Variants in MTURN observed in about 807,000 individuals in gnomAD.
MTURN encodes the protein maturin, neural progenitor differentiation regulator homolog.
In MTURN, 7 loss-of-function variants were observed where a neutral mutation model predicts 14.9. The observed-to-expected ratio is 0.47, with a 90% CI of 0.27 to 0.88. The LOEUF (loss-of-function observed/expected upper bound fraction) is 0.88. Among genes scored for constraint, MTURN ranks in the 40% least tolerant of loss-of-function variants. The pLI is 0.14. For synonymous variants in MTURN, 69 were observed against 72.5 expected, an observed-to-expected ratio of 0.95 and a Z score of 0.25; for missense variants, 151 against 174.1, an observed-to-expected ratio of 0.87 and a Z score of 0.75.
intron 1 of MTURN, among the ~76,000 whole-genome samples, chr7:30,142,008 C>T (rs1032717061): frequency 2.6e-5 from 4 of 152,178 alleles, no homozygotes; most frequent in African/African-American, 9.7e-5. Flanking sequence ...ACCAGGAAGT[C>T]CAGCTGCATA....
chr7:30,158,982 C>G lies in MTURN; in HGVS notation c.*1434C>G, dbSNP rs1257378811. ...AACTTATGGGAGTCTTGTATATCTT[C>G]CAGGCATGTCGGTGTAAACCTGATT... On this transcript the variant is annotated 3_prime_UTR_variant, in exon 3 of 3. Coordinates refer to ENST00000324453, the MANE Select transcript of MTURN (RefSeq NM_152793.3). 1.3e-5 allele frequency: 2 copies of G among 152,142 alleles called. No individual in the cohort carries two copies. The highest frequency in any genetic ancestry group is 4.8e-5 in the African/African-American group (2 of 41,422). 9.4% of individuals were successfully genotyped at this position (152,142 alleles called of 1,614,324 possible).
intron 2 of MTURN, among the ~76,000 whole-genome samples, chr7:30,152,230 A>G (rs1174831539): frequency 1.3e-5 from 2 of 151,824 alleles, no homozygotes; most frequent in Non-Finnish European, 2.9e-5. Context: ...CTCAAAAGGT[A>G]AGAGAGTGCC....
At chr7:30,149,610 G>A (rs902841514) in intron 2 of MTURN, among the ~76,000 whole-genome samples, 1 of 152,168 alleles carries the variant, frequency 6.6e-6, no homozygotes, top group Non-Finnish European at 1.5e-5. Context: ...ATAGAGCACT[G>A]CTTCCCAATG....
intron 2 of MTURN, among the ~76,000 whole-genome samples, chr7:30,155,951 T>A (rs1156987036): frequency 6.6e-6 from 1 of 152,180 alleles, no homozygotes. Context: ...CTTGATGCAG[T>A]TAGTGTTTAG....
rs956125822 is a variant in MTURN, at chr7:30,159,796, T to G, written c.*2248T>G. 1.3e-5 allele frequency: 2 copies of G among 152,726 alleles called. No individual in the cohort carries two copies. Among genetic ancestry groups the G allele is most frequent in the Non-Finnish European group, 2.9e-5 (2 of 68,064 alleles). 9.5% of individuals were successfully genotyped at this position (152,726 alleles called of 1,614,324 possible). On this transcript the variant is annotated 3_prime_UTR_variant, in exon 3 of 3. Coordinates refer to ENST00000324453, the MANE Select transcript of MTURN (RefSeq NM_152793.3). ...AATGTGTGCACATCCCTTCTCGTGC[T>G]CACACACTTGCCCACACACTCACTT...
At chr7:30,146,034 C>T (rs905430541) in intron 1 of MTURN, 143 bp from the exon 2 acceptor site, 58 of 1,575,586 alleles carry the variant, frequency 3.7e-5, no homozygotes, top group African/African-American at 8.2e-5. Flanking sequence ...AAATCAAGAA[C>T]GCATGTATGA....
In MTURN at chr7:30,158,041, A is replaced by G. The variant is rs542911481; in HGVS notation, c.*493A>G. 1 of 152,730 alleles carries G rather than the reference A, an allele frequency of 6.5e-6. No homozygotes were observed. The highest frequency in any genetic ancestry group is 2.1e-4 in the South Asian group (1 of 4,838). The allele number at this position is 152,730 out of a possible 1,614,324, so 9.5% of individuals were successfully genotyped here. A position where few individuals can be genotyped will look rare whatever the true frequency, so the allele number is the denominator to read the frequency against. ...GCATGAATTTTAATATCTAGTCATT[A>G]AACTGCACAAGTGCAAATACAAGGG... On this transcript the variant is annotated 3_prime_UTR_variant, in exon 3 of 3. Transcript: ENST00000324453.
At chr7:30,141,743 G>C (rs1037072028) in intron 1 of MTURN, among the ~76,000 whole-genome samples, 3 of 152,138 alleles carry the variant, frequency 2.0e-5, no homozygotes, top group African/African-American at 4.8e-5. Flanking sequence ...AGGTGGTCTT[G>C]AACTCCTGGT....
At chr7:30,157,362 C>T (rs961319112) in intron 2 of MTURN, 76 bp from the exon 3 acceptor site, 24 of 1,258,978 alleles carry the variant, frequency 1.9e-5, no homozygotes, top group Middle Eastern at 1.9e-4. Context: ...AATGTGGATC[C>T]GATGCCTTTG....
intron 1 of MTURN, among the ~76,000 whole-genome samples, chr7:30,142,841 C>T (rs1161710992): frequency 6.6e-6 from 1 of 152,188 alleles, no homozygotes; most frequent in Non-Finnish European, 1.5e-5. Context: ...CTTTCCGTAC[C>T]CAGATTCATG....
At chr7:30,137,430 T>C in intron 1 of MTURN, 1 of 346,454 alleles carries the variant, frequency 2.9e-6, no homozygotes, top group Non-Finnish European at 5.8e-6. Context: ...CGTTCAGAAG[T>C]AAGAAGTATT....
At chr7:30,141,298 C>T (rs1201941012) in intron 1 of MTURN, 1 of 151,764 alleles carries the variant, frequency 6.6e-6, no homozygotes, top group African/African-American at 2.4e-5. Flanking sequence ...GCCTGTAATC[C>T]CAGCTACTTG....
At chr7:30,152,588 A>T (rs181294802) in intron 2 of MTURN, among the ~76,000 whole-genome samples, 1 of 152,312 alleles carries the variant, frequency 6.6e-6, no homozygotes, top group African/African-American at 2.4e-5. Context: ...CCTGGAAGGT[A>T]CATACAAGGA....
At chr7:30,137,066 T>C (rs1477730885) in intron 1 of MTURN, among the ~76,000 whole-genome samples, 4 of 152,160 alleles carry the variant, frequency 2.6e-5, no homozygotes, top group Non-Finnish European at 4.4e-5. Context: ...AGTGTTCTTT[T>C]TGGAAGGAGT....
At chr7:30,135,329 C>T in intron 1 of MTURN, 31 bp downstream of exon 1, 1 of 1,485,168 alleles carries the variant, frequency 6.7e-7, no homozygotes, top group South Asian at 1.3e-5. Context: ...CCGCCGGAGC[C>T]GGCGGGAGTG....
At chr7:30,150,384 A>G (rs1182937802) in intron 2 of MTURN, among the ~76,000 whole-genome samples, 2 of 152,202 alleles carry the variant, frequency 1.3e-5, no homozygotes, top group South Asian at 2.1e-4. Flanking sequence ...GTTTATCAAC[A>G]TTGGTTTTGG....
chr7:30,143,473 C>T (rs1797084633), intron 1 of MTURN, among the ~76,000 whole-genome samples: 1 of 151,790 alleles, frequency 6.6e-6, no homozygotes, highest in African/African-American at 2.4e-5. Flanking sequence ...AATGGAACAC[C>T]TCCTTGTTAT....
Position 30,160,604 on chromosome 7 carries a change from G to A in MTURN, c.*3056G>A, listed in dbSNP as rs1376467101. The A allele has an allele frequency of 2.6e-5, 4 of 152,046 alleles. No homozygotes were observed. Among genetic ancestry groups the A allele is most frequent in the African/African-American group, 9.7e-5 (4 of 41,390 alleles). The allele number at this position is 152,046 out of a possible 1,614,324, so 9.4% of individuals were successfully genotyped here. Reference sequence around the variant, plus strand: ...TGTGTGTATATGTGAGAGAGAGAAAGAAAGAGAAAGGAATGCTTGATTGCT... The same window carrying A: ...TGTGTGTATATGTGAGAGAGAGAAAAAAAGAGAAAGGAATGCTTGATTGCT... On this transcript the variant is annotated 3_prime_UTR_variant, in exon 3 of 3. Transcript: ENST00000324453.
chr7:30,141,434 G>T (rs547746504), intron 1 of MTURN: 1 of 144,418 alleles, frequency 6.9e-6, no homozygotes, highest in Admixed American at 6.9e-5. Flanking sequence ...AAAAAAAAAA[G>T]AGAAAAAAAG....
Sources: allele counts gnomAD v4.1 joint callset (sites outside exome capture counted in the v4.1 genomes callset), GRCh38; gene constraint gnomAD v4.1.1; transcripts MANE v1.5; gene names NCBI Gene and HGNC (gene_info 2026-07-23, HGNC 2026-07-21).